Variants in SDK1 observed in about 807,000 individuals in gnomAD.
SDK1 encodes sidekick cell adhesion molecule 1.
A neutral mutation model predicts 245.5 loss-of-function variants in SDK1; 157 were observed. The observed-to-expected ratio is 0.64, with a 90% CI of 0.56 to 0.73. SDK1 has a LOEUF of 0.73. SDK1 is among the 30% of genes least tolerant of loss of function. The pLI, the probability that SDK1 is intolerant of heterozygous loss-of-function variation, is 0.00. For missense variants in SDK1, 3,583 were observed against 3,002.3 expected, an observed-to-expected ratio of 1.19 and a Z score of -4.52; for synonymous variants, 1,647 against 1,278.5, an observed-to-expected ratio of 1.29 and a Z score of -6.15.
chr7:3,705,125 G>C (rs1446232952), intron 4 of SDK1, among the ~76,000 whole-genome samples: 2 of 152,138 alleles, frequency 1.3e-5, no homozygotes, highest in African/African-American at 4.8e-5. Flanking sequence ...GCAATGTGAT[G>C]CTTCCAGATT....
At chr7:4,083,835 C>T (rs1781257015) in intron 22 of SDK1, among the ~76,000 whole-genome samples, 1 of 117,242 alleles carries the variant, frequency 8.5e-6, no homozygotes, top group Non-Finnish European at 1.7e-5. Flanking sequence ...CCCTTCCTCT[C>T]TCTCTCTGTC....
At chr7:3,505,930 G>C (rs1212792008) in intron 1 of SDK1, among the ~76,000 whole-genome samples, 2 of 151,888 alleles carry the variant, frequency 1.3e-5, no homozygotes, top group South Asian at 2.1e-4. Context: ...TGCAATTACT[G>C]TTATGCATTT....
chr7:3,374,107 G>A (rs908694791), intron 1 of SDK1, among the ~76,000 whole-genome samples: 1 of 151,912 alleles, frequency 6.6e-6, no homozygotes, highest in Non-Finnish European at 1.5e-5. Flanking sequence ...TGATATCCAC[G>A]GTAATTGGAG....
intron 1 of SDK1, among the ~76,000 whole-genome samples, chr7:3,449,747 C>T (rs961698932): frequency 2.0e-5 from 3 of 152,190 alleles, no homozygotes; most frequent in Admixed American, 6.5e-5. Context: ...CTAGTTTGTT[C>T]GTTCATTTCT....
At chr7:4,054,183 C>T (rs145892527) in intron 19 of SDK1, among the ~76,000 whole-genome samples, 1,556 of 152,190 alleles carry the variant, frequency 0.01, 21 homozygotes, top group South Asian at 0.032. Context: ...TCAGGTGATC[C>T]GCACACCTCA....
intron 35 of SDK1, among the ~76,000 whole-genome samples, chr7:4,181,652 A>T (rs1230024305): frequency 6.6e-6 from 1 of 150,656 alleles, no homozygotes; most frequent in Non-Finnish European, 1.5e-5. Context: ...CACGTGACTC[A>T]CCTCTGCCCA....
intron 1 of SDK1, among the ~76,000 whole-genome samples, chr7:3,566,482 C>A (rs1179388626): frequency 6.6e-6 from 1 of 152,010 alleles, no homozygotes; most frequent in Non-Finnish European, 1.5e-5. Flanking sequence ...GCCTCGGCCT[C>A]CCAAAGTGCT....
intron 1 of SDK1, among the ~76,000 whole-genome samples, chr7:3,461,803 A>G (rs1780839178): frequency 6.6e-6 from 1 of 152,138 alleles, no homozygotes; most frequent in Non-Finnish European, 1.5e-5. Flanking sequence ...TCCTCCTTTT[A>G]TTAAATATCT....
chr7:3,765,596 T>C (rs910856926), intron 4 of SDK1, among the ~76,000 whole-genome samples: 1 of 152,246 alleles, frequency 6.6e-6, no homozygotes, highest in Non-Finnish European at 1.5e-5. Flanking sequence ...GAATAGCTTT[T>C]AATCTTCTAC....
intron 33 of SDK1, among the ~76,000 whole-genome samples, chr7:4,175,149 T>C (rs1782116083): frequency 6.6e-6 from 1 of 152,122 alleles, no homozygotes; most frequent in South Asian, 2.1e-4. Flanking sequence ...GCTCCTATGC[T>C]CCTATGCTCA....
Position 3,420,822 on chromosome 7 carries a change from C to T in SDK1, c.298+118938C>T, listed in dbSNP as rs1162705375. On this transcript the variant is annotated intron_variant, in intron 1 of 44. Coordinates refer to ENST00000404826, the MANE Select transcript of SDK1 (RefSeq NM_152744.4). ...AGTCGTTACATAGATAAACATGTAC[C>T]ATGGTGGTTTGCTGCACCGATTAAC... Among the ~76,000 whole-genome samples the T allele has an allele frequency of 3.3e-5, 5 of 152,126 alleles. No individual in the cohort carries two copies. The East Asian group carries it at 9.7e-4, about 29-fold the overall frequency.
At chr7:3,472,982 T>C (rs1249783511) in intron 1 of SDK1, among the ~76,000 whole-genome samples, 1 of 152,182 alleles carries the variant, frequency 6.6e-6, no homozygotes, top group Non-Finnish European at 1.5e-5. Context: ...TTTGACCCTT[T>C]CCCTTCCTCC....
In SDK1 at chr7:4,145,718, G is replaced by T. The variant is rs1584284955; in HGVS notation, c.4229-4G>T. 1 of 1,597,996 alleles carries T rather than the reference G, an allele frequency of 6.3e-7. No individual in the cohort carries two copies. The highest frequency in any genetic ancestry group is 8.5e-7 in the Non-Finnish European group (1 of 1,171,850). ...CAGCTGTCTCCCATGTCACCTGCCT[G>T]CAGGGTACCAGATTGCCTACCGCCT... is the stretch of plus-strand genomic sequence containing the variant. On this transcript the variant is annotated splice_region_variant and splice_polypyrimidine_tract_variant and intron_variant, in intron 28 of 44. Transcript: ENST00000404826.
chr7:3,949,545 A>G (rs1252868244), intron 5 of SDK1, among the ~76,000 whole-genome samples: 1 of 152,218 alleles, frequency 6.6e-6, no homozygotes, highest in East Asian at 1.9e-4. Flanking sequence ...CGTGAAGCCC[A>G]GATGAAGCGT....
intron 41 of SDK1, among the ~76,000 whole-genome samples, chr7:4,236,895 G>A (rs1336658998): frequency 6.6e-6 from 1 of 152,100 alleles, no homozygotes; most frequent in Non-Finnish European, 1.5e-5. Flanking sequence ...CCCACACAAC[G>A]TTTTTGTTTG....
At chr7:3,335,821 TTTAC>T (rs1780185994) in intron 1 of SDK1, among the ~76,000 whole-genome samples, 1 of 152,016 alleles carries the variant, frequency 6.6e-6, no homozygotes, top group Non-Finnish European at 1.5e-5. Flanking sequence ...GGGCCAGAGA[TTTAC>T]TGTCTTACCA....
intron 22 of SDK1, among the ~76,000 whole-genome samples, chr7:4,102,126 C>T (rs568087379): frequency 3.9e-5 from 6 of 152,318 alleles, no homozygotes; most frequent in East Asian, 1.9e-4. Flanking sequence ...TGAAGATAAA[C>T]GCAGCACAGC....
chr7:3,470,246 G>C (rs377604773), intron 1 of SDK1, among the ~76,000 whole-genome samples: 82 of 152,144 alleles, frequency 5.4e-4, no homozygotes, highest in African/African-American at 1.9e-3. Flanking sequence ...TGCACAGAAT[G>C]CTTATTTTCT....
At chr7:3,551,177 A>C (rs1025856531) in intron 1 of SDK1, among the ~76,000 whole-genome samples, 1 of 152,084 alleles carries the variant, frequency 6.6e-6, no homozygotes, top group African/African-American at 2.4e-5. Context: ...AACCCGGCCA[A>C]CACCGGGGGT....
Sources: gnomAD v4.1 joint callset for allele counts (sites outside exome capture counted in the v4.1 genomes callset) on GRCh38, gnomAD v4.1.1 for gene constraint, MANE v1.5 for transcripts, NCBI Gene and HGNC (gene_info 2026-07-23, HGNC 2026-07-21) for gene names.